The following CEP128 variants were observed in gnomAD, a reference collection of about 807,000 sequenced individuals.
CEP128 encodes centrosomal protein 128kDa.
A neutral mutation model predicts 156.7 loss-of-function variants in CEP128; 132 were observed. The ratio of observed to expected loss-of-function variants is 0.84; its 90% CI spans 0.73 to 0.97. The LOEUF is 0.97. CEP128 is among the 50% of genes least tolerant of loss of function. The pLI is 0.00. For synonymous variants in CEP128, 469 were observed against 448.9 expected (o/e 1.04, Z -0.57); for missense variants, 1,252 against 1,281.9 (o/e 0.98, Z 0.36).
At chr14:80,493,449 C>T (rs1887391512), downstream of CEP128, among the ~76,000 whole-genome samples, 1 of 152,138 alleles carries the variant, frequency 6.6e-6, no homozygotes, top group Non-Finnish European at 1.5e-5. Flanking sequence ...AGGAAGCTAA[C>T]ATGTAGCTAT....
At chr14:80,606,532 G>A (rs1472992978) in intron 19 of CEP128, among the ~76,000 whole-genome samples, 1 of 152,040 alleles carries the variant, frequency 6.6e-6, no homozygotes, top group African/African-American at 2.4e-5. Context: ...TGCATTAGCT[G>A]GGAACAGTAC....
intron 14 of CEP128, among the ~76,000 whole-genome samples, chr14:80,788,955 G>A (rs930784640): frequency 1.3e-5 from 2 of 152,084 alleles, no homozygotes; most frequent in Non-Finnish European, 2.9e-5. Context: ...CTGCAATTTT[G>A]TACCTAGTGA....
intron 19 of CEP128, among the ~76,000 whole-genome samples, chr14:80,696,812 C>G (rs1200866292): frequency 6.6e-6 from 1 of 152,070 alleles, no homozygotes; most frequent in African/African-American, 2.4e-5. Context: ...TCTTCAGAGA[C>G]CTTTAAACAG....
intron 17 of CEP128, 26 bp downstream of exon 17, chr14:80,761,410 TA>T: frequency 6.7e-7 from 1 of 1,486,764 alleles, no homozygotes; most frequent in South Asian, 1.3e-5. Flanking sequence ...ACTGAAAATA[TA>T]AGGTGCAATG....
At chr14:80,635,878 T>G (rs1471073586) in intron 19 of CEP128, among the ~76,000 whole-genome samples, 1 of 152,218 alleles carries the variant, frequency 6.6e-6, no homozygotes, top group Non-Finnish European at 1.5e-5. Flanking sequence ...ACACACAGTT[T>G]ATTCAGTGTC....
At chr14:80,857,609 T>C (rs1480850853) in intron 9 of CEP128, among the ~76,000 whole-genome samples, 1 of 151,716 alleles carries the variant, frequency 6.6e-6, no homozygotes, top group Non-Finnish European at 1.5e-5. Context: ...GGCATGGTGA[T>C]GCCTGCCTGT....
chr14:80,577,812 T>C (rs1030546858), intron 20 of CEP128, among the ~76,000 whole-genome samples: 1 of 152,218 alleles, frequency 6.6e-6, no homozygotes, highest in African/African-American at 2.4e-5. Context: ...TAGATCTCTG[T>C]TTACTTAAAA....
intron 19 of CEP128, among the ~76,000 whole-genome samples, chr14:80,601,244 A>G (rs575669219): frequency 1.3e-5 from 2 of 152,314 alleles, no homozygotes; most frequent in South Asian, 2.1e-4. Flanking sequence ...TTGTAAGTAT[A>G]TAAGTCGTGC....
chr14:80,676,082 A>G (rs1022119558), intron 19 of CEP128, among the ~76,000 whole-genome samples: 3 of 152,176 alleles, frequency 2.0e-5, no homozygotes, highest in Non-Finnish European at 2.9e-5. Context: ...AAGTTCTATA[A>G]TAAGTGTTGC....
intron 9 of CEP128, among the ~76,000 whole-genome samples, chr14:80,854,432 A>C (rs947596867): frequency 6.6e-6 from 1 of 152,188 alleles, no homozygotes; most frequent in Non-Finnish European, 1.5e-5. Flanking sequence ...CATGACCAAA[A>C]AGTCCCCATA....
chr14:80,564,810 G>C (rs1314986296), intron 20 of CEP128, among the ~76,000 whole-genome samples: 2 of 152,194 alleles, frequency 1.3e-5, no homozygotes, highest in Non-Finnish European at 2.9e-5. Flanking sequence ...TGTAATTCCA[G>C]CACTTTGGGA....
At chr14:80,591,368 G>T (rs962892777) in intron 19 of CEP128, among the ~76,000 whole-genome samples, 2 of 151,936 alleles carry the variant, frequency 1.3e-5, no homozygotes, top group Non-Finnish European at 2.9e-5. Context: ...CCTAGTCTCT[G>T]ATAAAATAGA....
At chr14:80,906,185 C>T (rs1883877342) in intron 4 of CEP128, 104 bp from the exon 5 acceptor site, 5 of 871,788 alleles carry the variant, frequency 5.7e-6, no homozygotes, top group African/African-American at 1.8e-5. Flanking sequence ...ATCTGGGTTC[C>T]CCCCAAAAAA....
intron 19 of CEP128, among the ~76,000 whole-genome samples, chr14:80,598,623 T>C (rs777220604): frequency 9.9e-5 from 15 of 152,280 alleles, no homozygotes; most frequent in Admixed American, 6.5e-5. Flanking sequence ...AAGATTATTC[T>C]TAAGTCTATA....
chr14:80,742,102 TAA>T (rs1898861500), intron 19 of CEP128, among the ~76,000 whole-genome samples: 1 of 152,204 alleles, frequency 6.6e-6, no homozygotes, highest in African/African-American at 2.4e-5. Flanking sequence ...GGTAGCAGAT[TAA>T]AGTGTTCATT....
intron 19 of CEP128, among the ~76,000 whole-genome samples, chr14:80,729,079 G>GTGTGTGTGTGTC (rs1898152498): frequency 5.0e-5 from 3 of 59,964 alleles, no homozygotes; most frequent in African/African-American, 1.3e-4. Flanking sequence ...GTGTGTGTGT[G>GTGTGTGTGTGTC]TGTGTGTGTG....
At chr14:80,851,253 G>A (rs1175639539) in intron 9 of CEP128, among the ~76,000 whole-genome samples, 1 of 152,060 alleles carries the variant, frequency 6.6e-6, no homozygotes, top group Non-Finnish European at 1.5e-5. Flanking sequence ...TTGGCAAAAG[G>A]CATATAATAG....
At chr14:80,759,186 A>T (rs1280168943) in intron 17 of CEP128, among the ~76,000 whole-genome samples, 1 of 152,218 alleles carries the variant, frequency 6.6e-6, no homozygotes, top group Non-Finnish European at 1.5e-5. Context: ...ACATACATTA[A>T]CTAAAGTGGA....
chr14:80,612,014 C>T (rs1408823792), intron 19 of CEP128, among the ~76,000 whole-genome samples: 2 of 152,026 alleles, frequency 1.3e-5, no homozygotes, highest in African/African-American at 4.8e-5. Flanking sequence ...GCAGAGATCA[C>T]GCCACTGCAC....
Sources: gnomAD v4.1 joint callset for allele counts (sites outside exome capture counted in the v4.1 genomes callset) on GRCh38, gnomAD v4.1.1 for gene constraint, MANE v1.5 for transcripts, NCBI Gene and HGNC (gene_info 2026-07-23, HGNC 2026-07-21) for gene names.